TTL: variants seen among roughly 807,000 people sequenced by gnomAD.
TTL encodes tubulin tyrosine ligase, also known as tubulin--tyrosine ligase.
Under a neutral mutation model 41.1 loss-of-function variants are expected in TTL, and 10 were observed. That is an observed-to-expected ratio of 0.24 (90% CI 0.15 to 0.41). The LOEUF (loss-of-function observed/expected upper bound fraction) is 0.41. TTL is among the 10% of genes least tolerant of loss of function. The pLI is 1.00. For synonymous variants in TTL, 175 were observed against 175.5 expected (o/e 1.00, Z 0.02); for missense variants, 367 against 460.4 (o/e 0.80, Z 1.86).
rs1335603141 is a variant in TTL at position 112,540,631 on chromosome 2, T to C, written c.*11836T>C. 5 of 152,184 alleles carry C rather than the reference T, an allele frequency of 3.3e-5. No individual in the cohort carries two copies. The highest frequency in any genetic ancestry group is 7.4e-5 in the Non-Finnish European group (5 of 68,020). 9.4% of individuals were successfully genotyped at this position (152,184 alleles called of 1,614,324 possible). A position where few individuals can be genotyped will look rare whatever the true frequency, so the allele number is the denominator to read the frequency against. On this transcript the variant is annotated 3_prime_UTR_variant, in exon 7 of 7. Transcript: ENST00000233336. ...AGACAGATATACAGATAAATGTAGA[T>C]AGACATACAGATCAAGAGAATAGAA...
intron 1 of TTL, among the ~76,000 whole-genome samples, chr2:112,484,749 G>A (rs554512002): frequency 2.0e-5 from 3 of 152,228 alleles, no homozygotes; most frequent in Admixed American, 2.0e-4. Flanking sequence ...AGGCAGTTCA[G>A]GTGGGAATCA....
At position 112,523,350 on chromosome 2, in the gene TTL, C is replaced by G. The variant is rs62157541; in HGVS notation, c.1019+2925C>G. Among the ~76,000 whole-genome samples, 32 of 149,856 alleles carry G rather than the reference C, an allele frequency of 2.1e-4. 1 individual carries two copies. The highest frequency in any genetic ancestry group is 4.9e-4 in the African/African-American group (20 of 40,730). ...AAACTGTCTGTGGGTGTGTGTGTGT[C>G]TGTGTGTGTGTGTGTGTGTGTGTAT... On this transcript the variant is annotated intron_variant, in intron 6 of 6. Transcript: ENST00000233336.
chr2:112,511,308 C>G (rs1198046775), intron 5 of TTL, among the ~76,000 whole-genome samples: 1 of 151,744 alleles, frequency 6.6e-6, no homozygotes, highest in Admixed American at 6.6e-5. Flanking sequence ...TGCACCTGGC[C>G]TTATTCTGCT....
intron 5 of TTL, among the ~76,000 whole-genome samples, chr2:112,510,535 G>A (rs989530810): frequency 6.6e-6 from 1 of 151,472 alleles, no homozygotes; most frequent in Non-Finnish European, 1.5e-5. Context: ...GCAATGGCAC[G>A]ATCTCGGCTC....
At chr2:112,499,130 T>C (rs1681619259) in intron 3 of TTL, among the ~76,000 whole-genome samples, 1 of 152,108 alleles carries the variant, frequency 6.6e-6, no homozygotes, top group African/African-American at 2.4e-5. Context: ...CTGGCCAACA[T>C]GGTGAAACCC....
rs2104492291 is a variant in TTL at position 112,541,526 on chromosome 2, A to G, written c.*12731A>G. Reference sequence around the variant, plus strand: ...AGGAATGAAAAGTACCAGCTGAACTAGGAAAGGGGAAGTTGACAGTAAGGA... The same window carrying G: ...AGGAATGAAAAGTACCAGCTGAACTGGGAAAGGGGAAGTTGACAGTAAGGA... On this transcript the variant is annotated 3_prime_UTR_variant, in exon 7 of 7. Coordinates refer to ENST00000233336, the MANE Select transcript of TTL (RefSeq NM_153712.5). 6.6e-6 allele frequency: 1 copy of G among 152,482 alleles called. No individual in the cohort carries two copies. Among genetic ancestry groups the G allele is most frequent in the Non-Finnish European group, 1.5e-5 (1 of 68,134 alleles). 9.4% of individuals were successfully genotyped at this position (152,482 alleles called of 1,614,324 possible). A position where few individuals can be genotyped will look rare whatever the true frequency, so the allele number is the denominator to read the frequency against.
At chr2:112,496,406 A>G (rs186513612) in intron 3 of TTL, among the ~76,000 whole-genome samples, 1 of 152,286 alleles carries the variant, frequency 6.6e-6, no homozygotes, top group Admixed American at 6.5e-5. Context: ...TACCCACTAC[A>G]TGCTTTGTAT....
chr2:112,501,718 T>G (rs1681704182), intron 4 of TTL, among the ~76,000 whole-genome samples: 1 of 151,782 alleles, frequency 6.6e-6, no homozygotes, highest in South Asian at 2.1e-4. Flanking sequence ...AAATACAAAA[T>G]TAGCCAGGCA....
chr2:112,486,083 T>G (rs1214187136), intron 2 of TTL, 88 bp downstream of exon 2: 2 of 1,348,592 alleles, frequency 1.5e-6, no homozygotes, highest in Non-Finnish European at 2.1e-6. Context: ...CAAACATACT[T>G]TTATTTTAAA....
intron 6 of TTL, among the ~76,000 whole-genome samples, chr2:112,523,392 A>C (rs531793842): frequency 2.0e-5 from 3 of 148,996 alleles, no homozygotes; most frequent in Non-Finnish European, 4.5e-5. Context: ...CTTCTTCTTT[A>C]TTTCTACCCT....
chr2:112,512,411 C>T (rs924096581), intron 5 of TTL, among the ~76,000 whole-genome samples: 10 of 151,762 alleles, frequency 6.6e-5, no homozygotes, highest in South Asian at 6.3e-4. Context: ...TACAGGCGCC[C>T]GCCACCATGC....
At position 112,482,435 on chromosome 2, in the gene TTL, C is replaced by T; in HGVS notation, c.91C>T (p.Arg31Trp). 2 of 1,610,620 alleles carry T rather than the reference C, an allele frequency of 1.2e-6. No individual in the cohort carries two copies. Among genetic ancestry groups the T allele is most frequent in the Non-Finnish European group, 1.7e-6 (2 of 1,178,734 alleles). Residue 31 changes from arginine (R) to tryptophan (W), a missense_variant, in exon 1 of 7, where the codon CGG becomes TGG. Arg to Trp is a moderately radical substitution (Grantham distance 101). Transcript: ENST00000233336. This position sits in a 1 kb window ranked among gnomAD's most constrained non-coding sequence, Gnocchi z 5.3. Reference protein sequence around the residue: ...LLATGHWKRLRRDNPRFNLML... With the variant: ...LLATGHWKRLWRDNPRFNLML... ...CGCCACCGGCCACTGGAAGAGGCTG[C>T]GGCGAGACAACCCCAGATTCAACCT...
chr2:112,485,875 C>G, intron 1 of TTL, 42 bp from the exon 2 acceptor site: 1 of 1,515,522 alleles, frequency 6.6e-7, no homozygotes, highest in Non-Finnish European at 8.9e-7. Context: ...CTCCTGCTTG[C>G]TGTGTCCTGT....
rs1039224840 is a variant in TTL, at chr2:112,540,478, G to C, written c.*11683G>C. On this transcript the variant is annotated 3_prime_UTR_variant, in exon 7 of 7. Transcript: ENST00000233336. ...AAAGAAATTGACAAGCTAAGCTGACGCTAAAATCCATATTGAAATACAAAG... is the reference window on the plus strand; with the variant it reads ...AAAGAAATTGACAAGCTAAGCTGACCCTAAAATCCATATTGAAATACAAAG... 6.6e-6 allele frequency: 1 copy of C among 151,050 alleles called. No homozygotes were observed. The highest frequency in any genetic ancestry group is 2.4e-5 in the African/African-American group (1 of 40,996). The allele number at this position is 151,050 out of a possible 1,614,324, so 9.4% of individuals were successfully genotyped here.
intron 1 of TTL, 27 bp from the exon 2 acceptor site, chr2:112,485,890 C>T: frequency 6.3e-7 from 1 of 1,578,542 alleles, no homozygotes; most frequent in South Asian, 1.1e-5. Context: ...TCCTGTGTCC[C>T]TTCTGAGCCT....
intron 6 of TTL, among the ~76,000 whole-genome samples, chr2:112,523,849 G>A (rs1239543992): frequency 6.6e-6 from 1 of 151,770 alleles, no homozygotes; most frequent in African/African-American, 2.4e-5. Context: ...CAATGTGTAG[G>A]TTTGTTACAT....
intron 3 of TTL, 144 bp downstream of exon 3, chr2:112,494,519 G>T: frequency 1.5e-6 from 1 of 657,468 alleles, no homozygotes; most frequent in South Asian, 2.0e-5. Flanking sequence ...TCTATGTACT[G>T]ATGCCTTCTA....
intron 1 of TTL, among the ~76,000 whole-genome samples, chr2:112,484,863 T>C (rs1681197338): frequency 6.6e-6 from 1 of 152,218 alleles, no homozygotes; most frequent in Non-Finnish European, 1.5e-5. Context: ...TCTTCTGGCA[T>C]TTTCAACTGA....
intron 5 of TTL, among the ~76,000 whole-genome samples, chr2:112,503,803 T>C (rs1439661052): frequency 1.4e-5 from 1 of 70,966 alleles, no homozygotes; most frequent in Non-Finnish European, 3.2e-5. Flanking sequence ...ATCCGTAAAC[T>C]TCTTTTTTTT....
Sources: gnomAD v4.1 joint callset for allele counts (sites outside exome capture counted in the v4.1 genomes callset) on GRCh38, gnomAD v4.1.1 for gene constraint, Gnocchi (gnomAD v3.1) non-coding constraint, MANE v1.5 for transcripts, NCBI Gene and HGNC (gene_info 2026-07-23, HGNC 2026-07-21) for gene names.